The following ZNF385D variants were observed in gnomAD, a reference collection of about 807,000 sequenced individuals.
ZNF385D encodes zinc finger protein 659.
In ZNF385D, 15 loss-of-function variants were observed where a neutral mutation model predicts 35.8. The ratio of observed to expected loss-of-function variants is 0.42; its 90% CI spans 0.28 to 0.64. ZNF385D has a LOEUF of 0.64. Ranked by LOEUF, ZNF385D falls within the 30% of genes least tolerant of loss-of-function variation. The pLI, the probability that ZNF385D is intolerant of heterozygous loss-of-function variation, is 0.23. For synonymous variants in ZNF385D, 212 were observed against 186.8 expected, an observed-to-expected ratio of 1.13 and a Z score of -1.10; for missense variants, 474 against 494.6, an observed-to-expected ratio of 0.96 and a Z score of 0.39.
intron 3 of ZNF385D, among the ~76,000 whole-genome samples, chr3:21,758,998 A>C (rs953422081): frequency 2.7e-5 from 4 of 149,274 alleles, no homozygotes; most frequent in Admixed American, 6.7e-5. Flanking sequence ...AAAAAAAAAA[A>C]AAAAAAAACA....
intron 4 of ZNF385D, among the ~76,000 whole-genome samples, chr3:21,445,641 C>T (rs1396913424): frequency 3.3e-5 from 5 of 152,278 alleles, no homozygotes; most frequent in South Asian, 2.1e-4. Flanking sequence ...GGATTATATT[C>T]TCTACTCATT....
In ZNF385D at chr3:22,355,447, T is replaced by A. The variant is rs554072072; in HGVS notation, c.106+17003A>T. 4.3e-4 allele frequency among the ~76,000 whole-genome samples: 65 copies of A among 151,940 alleles called. No homozygotes were observed. In the Middle Eastern group the frequency reaches 0.01, roughly 24 times the overall value. ...AAAACAACAGTCAGACCTAGGAAAA[T>A]AACAACGTATGATATAATAAATAAA... is the stretch of plus-strand genomic sequence containing the variant. On this transcript the variant is annotated intron_variant, in intron 2 of 5. Coordinates refer to the ZNF385D transcript ENST00000494108.
chr3:22,087,317 T>A (rs1701098083), intron 3 of ZNF385D, among the ~76,000 whole-genome samples: 1 of 152,156 alleles, frequency 6.6e-6, no homozygotes, highest in African/African-American at 2.4e-5. Context: ...AAGCCTTTTA[T>A]TTATATTTTT....
In ZNF385D at chr3:21,419,676, A is replaced by G. The variant is rs1355656667; in HGVS notation, c.*1538T>C. ...ATCAAACCCCACCATTTTGATAGGTATATGTCAGCTTTCTATGGGAAAAAG... is the reference window on the plus strand; with the variant it reads ...ATCAAACCCCACCATTTTGATAGGTGTATGTCAGCTTTCTATGGGAAAAAG... On this transcript the variant is annotated 3_prime_UTR_variant, in exon 8 of 8. Transcript: ENST00000281523. 2.0e-5 allele frequency: 3 copies of G among 152,150 alleles called. No homozygotes were observed. Among genetic ancestry groups the G allele is most frequent in the African/African-American group, 7.2e-5 (3 of 41,452 alleles). 9.4% of individuals were successfully genotyped at this position (152,150 alleles called of 1,614,324 possible).
chr3:22,199,496 C>T (rs995916949), intron 2 of ZNF385D, among the ~76,000 whole-genome samples: 1 of 152,008 alleles, frequency 6.6e-6, no homozygotes, highest in Non-Finnish European at 1.5e-5. Flanking sequence ...TTGGCAGCTT[C>T]CATAGAGTCA....
At chr3:21,685,466 CTTT>C (rs1300028384) in intron 1 of ZNF385D, among the ~76,000 whole-genome samples, 1 of 152,162 alleles carries the variant, frequency 6.6e-6, no homozygotes, top group Non-Finnish European at 1.5e-5. Context: ...CTACATCTCT[CTTT>C]TTTACATCTA....
At chr3:22,345,670 T>C (rs1359974475) in intron 2 of ZNF385D, among the ~76,000 whole-genome samples, 2 of 152,210 alleles carry the variant, frequency 1.3e-5, no homozygotes, top group East Asian at 1.9e-4. Context: ...TAATGAGTGC[T>C]GAGCTGTGAA....
chr3:22,292,006 G>A (rs1009149160), intron 2 of ZNF385D, among the ~76,000 whole-genome samples: 2 of 151,830 alleles, frequency 1.3e-5, no homozygotes, highest in African/African-American at 4.8e-5. Flanking sequence ...ACATACTACA[G>A]GCTCTGTTAT....
chr3:22,120,275 T>C (rs555227999), intron 3 of ZNF385D, among the ~76,000 whole-genome samples: 5 of 152,106 alleles, frequency 3.3e-5, no homozygotes, highest in Non-Finnish European at 5.9e-5. Flanking sequence ...AAACTTCAGG[T>C]GTTGGAAGTT....
chr3:21,715,287 C>A (rs1559545635), intron 1 of ZNF385D, among the ~76,000 whole-genome samples: 1 of 152,200 alleles, frequency 6.6e-6, no homozygotes, highest in South Asian at 2.1e-4. Context: ...TCATTCCACT[C>A]TCTATACCAA....
chr3:21,631,757 A>C (rs1359620593), intron 2 of ZNF385D, among the ~76,000 whole-genome samples: 3 of 152,110 alleles, frequency 2.0e-5, no homozygotes, highest in Admixed American at 6.6e-5. Context: ...AGATAGAGGA[A>C]ACTTCCTGAT....
At chr3:21,695,573 C>A (rs576186309) in intron 1 of ZNF385D, among the ~76,000 whole-genome samples, 136 of 152,180 alleles carry the variant, frequency 8.9e-4, no homozygotes, top group Non-Finnish European at 1.6e-3. Context: ...TCAGATAATG[C>A]CAGATGCTTC....
In ZNF385D at chr3:21,936,871, T is replaced by A. The variant is rs1317559958; in HGVS notation, c.325+231946A>T. Among the ~76,000 whole-genome samples the A allele has an allele frequency of 3.3e-5, 5 of 152,140 alleles. No homozygotes were observed. The East Asian group carries it at 9.6e-4, about 29-fold the overall frequency. On this transcript the variant is annotated intron_variant, in intron 3 of 5. Transcript: ENST00000494108. ...CTGGGCTTTTATTAGAAATTAAAGG[T>A]TAGGAATAGTTGTAACTAGGTTAGC...
chr3:22,360,827 A>G lies in ZNF385D; in HGVS notation c.106+11623T>C, dbSNP rs185693485. On this transcript the variant is annotated intron_variant, in intron 2 of 5. Coordinates refer to the ZNF385D transcript ENST00000494108. ...GTGGGAATTTATGAAACAGAAATGA[A>G]TAACTGTATTCCTATGAGATGCTAT... Among the ~76,000 whole-genome samples, 13 of 152,146 alleles carry G rather than the reference A, an allele frequency of 8.5e-5. No homozygotes were observed. The South Asian group carries it at 1.5e-3, about 17-fold the overall frequency.
chr3:22,307,601 G>C (rs1703300621), intron 2 of ZNF385D, among the ~76,000 whole-genome samples: 1 of 152,020 alleles, frequency 6.6e-6, no homozygotes, highest in Non-Finnish European at 1.5e-5. Flanking sequence ...AACACAAATG[G>C]ACTATGGTGG....
intron 3 of ZNF385D, among the ~76,000 whole-genome samples, chr3:22,141,360 C>G (rs1704494662): frequency 6.6e-6 from 1 of 152,064 alleles, no homozygotes; most frequent in Non-Finnish European, 1.5e-5. Context: ...CAAAATGACA[C>G]AAAAATACAT....
intron 3 of ZNF385D, among the ~76,000 whole-genome samples, chr3:22,153,492 GTC>G (rs1049016979): frequency 7.3e-6 from 1 of 136,888 alleles, no homozygotes; most frequent in African/African-American, 2.8e-5. Flanking sequence ...TTGAGACAGA[GTC>G]TCTCTGTCAC....
chr3:22,347,764 A>G (rs1359598631), intron 2 of ZNF385D, among the ~76,000 whole-genome samples: 1 of 152,216 alleles, frequency 6.6e-6, no homozygotes, highest in Non-Finnish European at 1.5e-5. Flanking sequence ...ATTTGGGAAC[A>G]AAATTCCTAA....
intron 1 of ZNF385D, among the ~76,000 whole-genome samples, chr3:21,732,327 C>T (rs969642033): frequency 6.6e-6 from 1 of 152,080 alleles, no homozygotes; most frequent in Non-Finnish European, 1.5e-5. Context: ...GCTGGGATTA[C>T]AGGCGTGAGC....
Sources: allele counts gnomAD v4.1 joint callset (sites outside exome capture counted in the v4.1 genomes callset), GRCh38; gene constraint gnomAD v4.1.1; transcripts MANE v1.5; gene names NCBI Gene and HGNC (gene_info 2026-07-23, HGNC 2026-07-21).